The following PTPN3 variants were observed in gnomAD, a reference collection of about 807,000 sequenced individuals.
PTPN3 encodes the protein tyrosine-protein phosphatase non-receptor type 3.
A neutral mutation model predicts 132.7 loss-of-function variants in PTPN3; 96 were observed. That is an observed-to-expected ratio of 0.72 (90% CI 0.61 to 0.86). The LOEUF (loss-of-function observed/expected upper bound fraction) is 0.86. Ranked by LOEUF, PTPN3 falls within the 40% of genes least tolerant of loss-of-function variation. The pLI is 0.00. For synonymous variants in PTPN3, 398 were observed against 429.0 expected (o/e 0.93, Z 0.89); for missense variants, 1,125 against 1,159.6 (o/e 0.97, Z 0.43).
intron 5 of PTPN3, among the ~76,000 whole-genome samples, chr9:109,454,092 G>C (rs1765926770): frequency 6.6e-6 from 1 of 152,156 alleles, no homozygotes; most frequent in South Asian, 2.1e-4. Context: ...TAGCTCTTCA[G>C]AGACATCATG....
the PTPN3 span, among the ~76,000 whole-genome samples, chr9:109,519,962 A>G: frequency 1.3e-5 from 2 of 152,152 alleles, no homozygotes; most frequent in African/African-American, 4.8e-5. Context: ...GATCGAGACC[A>G]TCCTGGCTAA....
intron 1 of PTPN3, among the ~76,000 whole-genome samples, chr9:109,484,456 C>T (rs1409404194): frequency 2.0e-5 from 3 of 152,192 alleles, no homozygotes; most frequent in Non-Finnish European, 2.9e-5. Context: ...GCAGCCTGGC[C>T]GAGCCACCTC....
At chr9:109,418,224 C>G (rs540905194) in intron 14 of PTPN3, among the ~76,000 whole-genome samples, 1 of 152,344 alleles carries the variant, frequency 6.6e-6, no homozygotes, top group East Asian at 1.9e-4. Flanking sequence ...GGCCTGGAGG[C>G]TCCTGAAACA....
At chr9:109,438,788 C>T (rs903590514) in intron 7 of PTPN3, among the ~76,000 whole-genome samples, 1 of 152,110 alleles carries the variant, frequency 6.6e-6, no homozygotes, top group Admixed American at 6.6e-5. Flanking sequence ...GAAAGGGGAC[C>T]AGGATGTGCT....
rs766508051 is a variant in PTPN3 at position 109,436,865 on chromosome 9, C to A, written c.675+18G>T. 1 of 1,603,918 alleles carries A rather than the reference C, an allele frequency of 6.2e-7. No homozygotes were observed. The highest frequency in any genetic ancestry group is 1.1e-5 in the South Asian group (1 of 88,054). The stretch of plus-strand genomic sequence containing the variant: ...TAAAAACATAATGTTTGAGCCAAGA[C>A]ATAACAAGAATACATACCCTACCAC... On this transcript the variant is annotated intron_variant, in intron 9 of 25. Transcript: ENST00000374541.
chr9:109,381,773 C>T lies in PTPN3; in HGVS notation c.2543G>A (p.Arg848Gln), dbSNP rs372894176. 11 of 1,614,130 alleles carry T rather than the reference C, an allele frequency of 6.8e-6. No individual in the cohort carries two copies. The highest frequency in any genetic ancestry group is 1.3e-5 in the African/African-American group (1 of 74,938). Residue 848 changes from arginine to glutamine, a missense_variant, in exon 25 of 26, where the codon CGA becomes CAA. By Grantham distance (43) the Arg-to-Gln change is conservative. Coordinates refer to ENST00000374541, the MANE Select transcript of PTPN3 (RefSeq NM_002829.4). ...TTCCATAGTGACCAACACACCGGTTCGACCTATTCCAGCACTGGAGAGGGG... is the reference window on the plus strand; with the variant it reads ...TTCCATAGTGACCAACACACCGGTTTGACCTATTCCAGCACTGGAGAGGGG... The part of the protein sequence containing the change: ...VLVHCSAGIG[R>Q]TGVLVTMETA...
chr9:109,391,581 A>G lies in PTPN3; in HGVS notation c.1954-20T>C. 6.3e-7 allele frequency: 1 copy of G among 1,577,670 alleles called. No individual in the cohort carries two copies. Among genetic ancestry groups the G allele is most frequent in the Non-Finnish European group, 8.7e-7 (1 of 1,152,254 alleles). On this transcript the variant is annotated intron_variant, in intron 19 of 25. Coordinates refer to ENST00000374541, the MANE Select transcript of PTPN3 (RefSeq NM_002829.4). ...GAGTTGCTATGTGAGAAATAGAGAAAAAAGCAAGCATTGCAAAAATCAGAT... is the reference window on the plus strand; with the variant it reads ...GAGTTGCTATGTGAGAAATAGAGAAGAAAGCAAGCATTGCAAAAATCAGAT...
chr9:109,422,837 T>C lies in PTPN3; in HGVS notation c.1017A>G (p.Gln339=). 2 of 1,613,540 alleles carry C rather than the reference T, an allele frequency of 1.2e-6. No homozygotes were observed. Among genetic ancestry groups the C allele is most frequent in the East Asian group, 2.2e-5 (1 of 44,864 alleles). ...TCCCGCCAATCACCTTTTTGCAATA[T>C]TGGTTATTTACCGACCTGAAAAACC... ...SRNTKKSVNN[Q]YCKKVIGGMV... is the part of the protein sequence containing the mutation. The change falls in exon 13 of 26, where the codon CAA becomes CAG. Residue 339 remains glutamine (Q), a synonymous_variant. Transcript: ENST00000374541.
Position 109,381,896 on chromosome 9 carries a change from C to T in PTPN3, c.2529-109G>A, listed in dbSNP as rs563786506. On this transcript the variant is annotated intron_variant, in intron 24 of 25. Transcript: ENST00000374541. The stretch of plus-strand genomic sequence containing the variant: ...AAAGGGGCTTTCCTCCCTTGGCCTT[C>T]GAGAAGACAAAACGCACACTCACGG... 594 of 1,358,170 alleles carry T rather than the reference C, an allele frequency of 4.4e-4. 4 individuals carry two copies. Among genetic ancestry groups the T allele is most frequent in the Non-Finnish European group, 9.8e-5 (95 of 969,164 alleles). The allele number at this position is 1,358,170 out of a possible 1,614,324, so 84.1% of individuals were successfully genotyped here.
At chr9:109,495,201 C>A (rs1365164889) in intron 1 of PTPN3, among the ~76,000 whole-genome samples, 2 of 152,176 alleles carry the variant, frequency 1.3e-5, no homozygotes, top group African/African-American at 4.8e-5. Context: ...CCTTCCAGAC[C>A]AGGGTATGTG....
chr9:109,523,096 G>A, the PTPN3 span, among the ~76,000 whole-genome samples: 4 of 151,292 alleles, frequency 2.6e-5, no homozygotes, highest in East Asian at 7.7e-4. Flanking sequence ...CTGGAATAGT[G>A]CTTCTCTATA....
chr9:109,379,981 T>C (rs1436477136), intron 25 of PTPN3, among the ~76,000 whole-genome samples: 1 of 152,132 alleles, frequency 6.6e-6, no homozygotes, highest in Non-Finnish European at 1.5e-5. Context: ...AGCCTGCTCC[T>C]GGACTCAACA....
At chr9:109,500,392 T>C (rs556483861), upstream of PTPN3, among the ~76,000 whole-genome samples, 3 of 152,252 alleles carry the variant, frequency 2.0e-5, no homozygotes, top group South Asian at 6.2e-4. Flanking sequence ...GCTAGGAACA[T>C]GCTTACACCT....
Position 109,427,058 on chromosome 9 carries a change from C to T in PTPN3, c.893G>A (p.Trp298Ter). Residue 298 changes from tryptophan to a stop codon, truncating the protein, a stop_gained, in exon 12 of 26, where the codon TGG becomes TAG. Transcript: ENST00000374541. LOFTEE classifies it high-confidence loss of function. ...MLNYRSCKNL[W>*]KSCVEHHTFF... Reference sequence around the variant, plus strand: ...CGTATGGTGCTCAACACAGGATTTCCACAAGTTTTTGCAAGATCGGTAATT... The same window carrying T: ...CGTATGGTGCTCAACACAGGATTTCTACAAGTTTTTGCAAGATCGGTAATT... 6.2e-7 allele frequency: 1 copy of T among 1,614,052 alleles called. No individual in the cohort carries two copies. Among genetic ancestry groups the T allele is most frequent in the South Asian group, 1.1e-5 (1 of 91,080 alleles).
chr9:109,530,320 C>A, the PTPN3 span, among the ~76,000 whole-genome samples: 2 of 152,174 alleles, frequency 1.3e-5, no homozygotes, highest in Non-Finnish European at 2.9e-5. Context: ...TAAGTGGAAT[C>A]ATATTTGTCC....
Position 109,451,149 on chromosome 9 carries a change from C to T in PTPN3, c.369-2294G>A, listed in dbSNP as rs143389298. The T allele has an allele frequency of 1.7e-3, 1,644 of 958,404 alleles. 8 individuals carry two copies. Among genetic ancestry groups the T allele is most frequent in the Middle Eastern group, 0.016 (30 of 1,854 alleles). The allele number at this position is 958,404 out of a possible 1,614,324, so 59.4% of individuals were successfully genotyped here. On this transcript the variant is annotated intron_variant, in intron 5 of 25. Coordinates refer to ENST00000374541, the MANE Select transcript of PTPN3 (RefSeq NM_002829.4). ...GTATGTGCCTATAATCCCAGCTACT[C>T]AGGAGGCTGAGGGAGGATCCTTTGA...
chr9:109,455,852 C>T (rs545867571), intron 4 of PTPN3, among the ~76,000 whole-genome samples: 1 of 152,336 alleles, frequency 6.6e-6, no homozygotes, highest in Admixed American at 6.5e-5. Flanking sequence ...ATTCCCAGGG[C>T]TTAGCCCAGC....
intron 5 of PTPN3, chr9:109,450,857 C>T (rs1457940834): frequency 2.0e-6 from 2 of 985,284 alleles, no homozygotes; most frequent in African/African-American, 1.7e-5. Flanking sequence ...GACCTCTCTG[C>T]CTAGATCCTT....
intron 2 of PTPN3, among the ~76,000 whole-genome samples, chr9:109,462,141 C>T (rs1018392827): frequency 6.6e-6 from 1 of 152,222 alleles, no homozygotes; most frequent in African/African-American, 2.4e-5. Context: ...TCTCTACTGC[C>T]CATTCCCACT....
Sources: allele counts gnomAD v4.1 joint callset (sites outside exome capture counted in the v4.1 genomes callset), GRCh38; gene constraint gnomAD v4.1.1; transcripts MANE v1.5; gene names NCBI Gene and HGNC (gene_info 2026-07-23, HGNC 2026-07-21).